The following ATRNL1 variants were observed in gnomAD, a reference collection of about 807,000 sequenced individuals.
ATRNL1 encodes attractin-like protein 1.
Under a neutral mutation model 182.7 loss-of-function variants are expected in ATRNL1, and 95 were observed. The ratio of observed to expected loss-of-function variants is 0.52; its 90% CI spans 0.44 to 0.62. ATRNL1 has a LOEUF of 0.62. Among genes scored for constraint, ATRNL1 ranks in the 20% least tolerant of loss-of-function variants. The pLI is 0.00. For missense variants in ATRNL1, 1,471 were observed against 1,679.5 expected, an observed-to-expected ratio of 0.88 and a Z score of 2.17; for synonymous variants, 576 against 568.3, an observed-to-expected ratio of 1.01 and a Z score of -0.19.
chr10:115,297,262 T>A (rs1484040540), intron 15 of ATRNL1, among the ~76,000 whole-genome samples: 1 of 152,190 alleles, frequency 6.6e-6, no homozygotes, highest in African/African-American at 2.4e-5. Context: ...GTATTATTTT[T>A]AGCATATGGG....
intron 15 of ATRNL1, among the ~76,000 whole-genome samples, chr10:115,294,370 G>A (rs1281680769): frequency 2.0e-5 from 3 of 152,068 alleles, no homozygotes; most frequent in African/African-American, 7.2e-5. Context: ...TCAAGTCTGT[G>A]GTTGAAGCTC....
chr10:115,632,761 A>G (rs1311196903), intron 26 of ATRNL1, among the ~76,000 whole-genome samples: 3 of 152,130 alleles, frequency 2.0e-5, no homozygotes, highest in African/African-American at 7.2e-5. Context: ...TATCACACAC[A>G]AACACACAAT....
At chr10:115,333,776 C>T (rs1223347378) in intron 18 of ATRNL1, among the ~76,000 whole-genome samples, 2 of 152,032 alleles carry the variant, frequency 1.3e-5, no homozygotes, top group African/African-American at 4.8e-5. Flanking sequence ...TGTGAGCCAC[C>T]ACGCCTGGCT....
intron 10 of ATRNL1, among the ~76,000 whole-genome samples, chr10:115,256,573 T>G (rs1161886065): frequency 6.6e-6 from 1 of 152,178 alleles, no homozygotes; most frequent in Non-Finnish European, 1.5e-5. Flanking sequence ...TTTGTTAATC[T>G]TTTCAAAAAA....
At position 115,182,646 on chromosome 10, in the gene ATRNL1, T is replaced by C. The variant is rs960558407; in HGVS notation, c.1348+11354T>C. 2.0e-5 allele frequency among the ~76,000 whole-genome samples: 3 copies of C among 151,264 alleles called. No homozygotes were observed. The East Asian group carries it at 5.8e-4, about 29-fold the overall frequency. ...CATATTGATGCAGAAACGATGAAAA[T>C]AAAGGAACAGAGAAAGATTTCATAG... On this transcript the variant is annotated intron_variant, in intron 8 of 28. Transcript: ENST00000355044.
chr10:115,435,952 A>G (rs1420508039), intron 21 of ATRNL1, among the ~76,000 whole-genome samples: 1 of 152,170 alleles, frequency 6.6e-6, no homozygotes, highest in Non-Finnish European at 1.5e-5. Context: ...TAGTAGACTC[A>G]TATAAGTTAT....
chr10:115,192,213 A>G (rs1333853736), intron 8 of ATRNL1, among the ~76,000 whole-genome samples: 1 of 151,686 alleles, frequency 6.6e-6, no homozygotes, highest in Non-Finnish European at 1.5e-5. Context: ...TTCTTCTAGT[A>G]TTTTCATAGT....
chr10:115,177,540 TTTAA>T (rs1311027607), intron 8 of ATRNL1, among the ~76,000 whole-genome samples: 1 of 152,158 alleles, frequency 6.6e-6, no homozygotes, highest in Non-Finnish European at 1.5e-5. Context: ...AGGTCCAGGC[TTTAA>T]TTGACACATA....
At position 115,643,116 on chromosome 10, in the gene ATRNL1, G is replaced by A. The variant is rs1267319340; in HGVS notation, c.3796-84132G>A. Among the ~76,000 whole-genome samples the A allele has an allele frequency of 2.0e-5, 3 of 152,132 alleles. No individual in the cohort carries two copies. In the East Asian group the frequency reaches 5.8e-4, roughly 29 times the overall value. On this transcript the variant is annotated intron_variant, in intron 26 of 28. Transcript: ENST00000355044. Reference sequence around the variant, plus strand: ...GATCTAAGCTCCAGTAATCAAGAAAGTGCAACATTCATTAAAGAGTAGATC... The same window carrying A: ...GATCTAAGCTCCAGTAATCAAGAAAATGCAACATTCATTAAAGAGTAGATC...
At chr10:115,227,268 C>CA (rs1554898850) in intron 9 of ATRNL1, among the ~76,000 whole-genome samples, 1 of 152,044 alleles carries the variant, frequency 6.6e-6, no homozygotes, top group East Asian at 1.9e-4. Flanking sequence ...AGGACATGAA[C>CA]AGACACTTCT....
intron 27 of ATRNL1, among the ~76,000 whole-genome samples, chr10:115,797,099 A>G (rs1279626128): frequency 6.6e-6 from 1 of 152,216 alleles, no homozygotes; most frequent in Non-Finnish European, 1.5e-5. Context: ...ATTCTAAAAT[A>G]TAGGGACCTT....
intron 26 of ATRNL1, among the ~76,000 whole-genome samples, chr10:115,717,019 G>A (rs1176535903): frequency 6.6e-6 from 1 of 152,018 alleles, no homozygotes; most frequent in Non-Finnish European, 1.5e-5. Flanking sequence ...CCATTCTGAG[G>A]ATCTAGCTTT....
intron 28 of ATRNL1, among the ~76,000 whole-genome samples, chr10:115,933,879 T>G (rs1201942642): frequency 6.6e-6 from 1 of 152,176 alleles, no homozygotes; most frequent in African/African-American, 2.4e-5. Flanking sequence ...TCTCCCTTTC[T>G]TACTCTGTTC....
chr10:115,607,057 A>T (rs1555017813), intron 26 of ATRNL1, among the ~76,000 whole-genome samples: 1 of 152,012 alleles, frequency 6.6e-6, no homozygotes, highest in African/African-American at 2.4e-5. Context: ...ACTCAAGGTC[A>T]AAATGATGAA....
In ATRNL1 at chr10:115,540,688, C is replaced by A. The variant is rs543203625; in HGVS notation, c.3717-8770C>A. ...GGCAGAATTGCTTGAACCCAGGAGG[C>A]GGAGGTTGCAGTGAACTAAGATCAT... is the stretch of plus-strand genomic sequence containing the variant. On this transcript the variant is annotated intron_variant, in intron 25 of 28. Coordinates refer to ENST00000355044, the MANE Select transcript of ATRNL1 (RefSeq NM_207303.4). 2.0e-5 allele frequency among the ~76,000 whole-genome samples: 3 copies of A among 147,980 alleles called. No homozygotes were observed. In the East Asian group the frequency reaches 6.4e-4, roughly 31 times the overall value.
chr10:115,215,852 T>C lies in ATRNL1; in HGVS notation c.1504T>C (p.Tyr502His), dbSNP rs781790309. The change falls in exon 9 of 29, where the codon TAT (tyrosine) becomes CAT (histidine). Residue 502 changes from tyrosine (Y) to histidine (H), a missense_variant. Around this residue, in one of 3 missense-constraint regions of ATRNL1, gnomAD observed 1,031 missense variants for 1,156.0 expected, o/e 0.89. Coordinates refer to ENST00000355044, the MANE Select transcript of ATRNL1 (RefSeq NM_207303.4). ...CAAATATGGATTGGTTGATGATCTTTATAAATATGAAGTTAACACTAAGAC... is the reference window on the plus strand; with the variant it reads ...CAAATATGGATTGGTTGATGATCTTCATAAATATGAAGTTAACACTAAGAC... ...GNKYGLVDDL[Y>H]KYEVNTKTWT... 1.7e-5 allele frequency: 27 copies of C among 1,578,176 alleles called. No individual in the cohort carries two copies. Among genetic ancestry groups the C allele is most frequent in the Non-Finnish European group, 2.1e-5 (25 of 1,167,302 alleles).
intron 15 of ATRNL1, among the ~76,000 whole-genome samples, chr10:115,294,465 G>T (rs1170689226): frequency 6.6e-6 from 1 of 151,976 alleles, no homozygotes; most frequent in Non-Finnish European, 1.5e-5. Context: ...CTCTGTTGTT[G>T]AATTTTTCTT....
intron 26 of ATRNL1, among the ~76,000 whole-genome samples, chr10:115,663,742 G>T (rs528718597): frequency 6.6e-6 from 1 of 151,954 alleles, no homozygotes. Flanking sequence ...CCAAAAAATC[G>T]CATTGGCTTG....
chr10:115,790,377 G>A (rs138055480), intron 27 of ATRNL1, among the ~76,000 whole-genome samples: 101 of 152,216 alleles, frequency 6.6e-4, no homozygotes, highest in African/African-American at 2.3e-3. Context: ...TTCTGACCCT[G>A]AATAAATGGC....
Sources: allele counts gnomAD v4.1 joint callset (sites outside exome capture counted in the v4.1 genomes callset), GRCh38; gene constraint gnomAD v4.1.1; regional missense constraint gnomAD v4.1.1; transcripts MANE v1.5; gene names NCBI Gene and HGNC (gene_info 2026-07-23, HGNC 2026-07-21).